Variants in TMEM94 observed in about 807,000 individuals in gnomAD.
TMEM94 encodes transmembrane protein 94, also known as ER Mg2+ ATPase.
Under a neutral mutation model 158.6 loss-of-function variants are expected in TMEM94, and 81 were observed. The ratio of observed to expected loss-of-function variants is 0.51; its 90% CI spans 0.43 to 0.61. The LOEUF is 0.61. TMEM94 is among the 20% of genes least tolerant of loss of function. The probability of loss-of-function intolerance (pLI) is 0.00; values close to 1 mark genes in which losing one functional copy is unlikely to be tolerated. For missense variants in TMEM94, 1,435 were observed against 1,762.0 expected, an observed-to-expected ratio of 0.81 and a Z score of 3.32; for synonymous variants, 751 against 730.7, an observed-to-expected ratio of 1.03 and a Z score of -0.45.
chr17:75,484,862 C>T (rs1380448653), intron 2 of TMEM94, among the ~76,000 whole-genome samples: 1 of 151,998 alleles, frequency 6.6e-6, no homozygotes. Flanking sequence ...CATGATGAAA[C>T]CTCGTCTCCA....
chr17:75,477,729 G>A (rs1013826270), intron 2 of TMEM94, among the ~76,000 whole-genome samples: 4 of 151,986 alleles, frequency 2.6e-5, no homozygotes, highest in South Asian at 4.1e-4. Context: ...GGGACAGGGC[G>A]GCCGGGCGCA....
In TMEM94 at chr17:75,485,528, AGAAGTGTCTGACGTG is replaced by A; in HGVS notation, c.130_144del (p.Cys44_Lys48del). On this transcript the variant is annotated inframe_deletion, in exon 3 of 32. Transcript: ENST00000314256. The surrounding 1 kb of genome is among the most constrained non-coding windows in gnomAD (Gnocchi z 5.5). ...CTGGAAGGACATCTCAGGGAGCGGA[AGAAGTGTCTGACGTG>A]GAAGGTGAAGCTTCTTCTCGGGGCT... is the stretch of plus-strand genomic sequence containing the variant. 5.0e-6 allele frequency: 8 copies of A among 1,614,172 alleles called. No individual in the cohort carries two copies. The highest frequency in any genetic ancestry group is 6.8e-6 in the Non-Finnish European group (8 of 1,180,020).
intron 2 of TMEM94, among the ~76,000 whole-genome samples, chr17:75,482,520 ATATATATGTATGTATG>A (rs1356232335): frequency 1.1e-4 from 12 of 111,154 alleles, no homozygotes; most frequent in South Asian, 3.1e-4. Flanking sequence ...TTAAAAATAT[ATATATATGTATGTATG>A]TATGTATGTA....
rs1247958995 is a variant in TMEM94, at chr17:75,490,734, C to T, written c.1104C>T (p.Ser368=). The T allele has an allele frequency of 6.2e-7, 1 of 1,614,130 alleles. No homozygotes were observed. The highest frequency in any genetic ancestry group is 1.1e-5 in the South Asian group (1 of 91,080). The stretch of plus-strand genomic sequence containing the variant: ...AGTTCTCAGAGGATACTCTCAGCAG[C>T]TATACGGAGGCTGTCTCCTCTCAGG... ...LAKFSEDTLS[S]YTEAVSSQEM... Residue 368 remains serine, a synonymous_variant, in exon 11 of 32, where the codon AGC becomes AGT. Coordinates refer to ENST00000314256, the MANE Select transcript of TMEM94 (RefSeq NM_014738.6).
chr17:75,499,122 T>G (rs746400298), intron 31 of TMEM94, 40 bp downstream of exon 31: 3 of 1,576,708 alleles, frequency 1.9e-6, no homozygotes, highest in Non-Finnish European at 2.6e-6. Flanking sequence ...GGCTCAGGCA[T>G]GTTCCCTAAA....
At position 75,492,692 on chromosome 17, in the gene TMEM94, C is replaced by T; in HGVS notation, c.1815C>T (p.Phe605=). Reference sequence around the variant, plus strand: ...GCGTCACCGAGCGCCTGTGCCGATTCTCCGACCACCTGTGCAACATCGCCC... The same window carrying T: ...GCGTCACCGAGCGCCTGTGCCGATTTTCCGACCACCTGTGCAACATCGCCC... ...DASVTERLCR[F]SDHLCNIALQ... is the part of the protein sequence containing the mutation. The change falls in exon 15 of 32, where the codon TTC becomes TTT. Residue 605 remains phenylalanine, a synonymous_variant. Transcript: ENST00000314256. This position sits in a 1 kb window ranked among gnomAD's most constrained non-coding sequence, Gnocchi z 4.4. The T allele has an allele frequency of 6.2e-7, 1 of 1,613,448 alleles. No individual in the cohort carries two copies. Among genetic ancestry groups the T allele is most frequent in the Non-Finnish European group, 8.5e-7 (1 of 1,179,996 alleles).
chr17:75,497,505 T>A (rs1393885229), intron 26 of TMEM94, among the ~76,000 whole-genome samples: 1 of 151,968 alleles, frequency 6.6e-6, no homozygotes, highest in Non-Finnish European at 1.5e-5. Context: ...AGGCACCCAC[T>A]ATCATGCCTG....
Position 75,493,858 on chromosome 17 carries a change from G to C in TMEM94, c.2349G>C (p.Glu783Asp), listed in dbSNP as rs1210140455. The C allele has an allele frequency of 8.7e-6, 14 of 1,613,064 alleles. No individual in the cohort carries two copies. The highest frequency in any genetic ancestry group is 1.2e-5 in the Non-Finnish European group (14 of 1,180,016). The change falls in exon 18 of 32, where the codon GAG becomes GAC. Residue 783 changes from glutamate to aspartate, a missense_variant. Coordinates refer to ENST00000314256, the MANE Select transcript of TMEM94 (RefSeq NM_014738.6). ...PGQSSIFTMCELPSTIPIKQN... is the reference protein window; with the variant it reads ...PGQSSIFTMCDLPSTIPIKQN... ...AAAGCAGCATCTTCACCATGTGCGA[G>C]CTGCCCAGCACCATCCCCATCAAGC...
At position 75,498,107 on chromosome 17, in the gene TMEM94, G is replaced by C; in HGVS notation, c.3490-68G>C. The C allele has an allele frequency of 6.3e-7, 1 of 1,591,972 alleles. No individual in the cohort carries two copies. Among genetic ancestry groups the C allele is most frequent in the South Asian group, 1.1e-5 (1 of 89,650 alleles). On this transcript the variant is annotated intron_variant, in intron 27 of 31. Coordinates refer to ENST00000314256, the MANE Select transcript of TMEM94 (RefSeq NM_014738.6). This position sits in a 1 kb window ranked among gnomAD's most constrained non-coding sequence, Gnocchi z 6.7. ...CATTTACTAAGAGCCCGTTGAATAC[G>C]TGGAAGAGCTAGGAGCAGCCGGCAG...
intron 25 of TMEM94, 112 bp downstream of exon 25, chr17:75,496,919 C>T (rs1598438104): frequency 1.6e-6 from 2 of 1,229,106 alleles, no homozygotes; most frequent in Non-Finnish European, 2.4e-6. Flanking sequence ...CAAGGGGTCC[C>T]CCCAGAGCCT....
chr17:75,499,081 C>G lies in TMEM94; in HGVS notation c.3997C>G (p.Arg1333Gly), dbSNP rs756284172. The change falls in exon 31 of 32, where the codon CGG becomes GGG. Residue 1333 changes from arginine (R) to glycine (G), a missense_variant and splice_region_variant. Arg to Gly is a moderately radical substitution (Grantham distance 125). This residue lies in a region of TMEM94 where 335 missense variants were observed against 409.1 expected (regional missense o/e 0.82). Transcript: ENST00000314256. ...TGAGATCGTGAAGCTACATGAGATTCGGTGAGCTGTCAGCAGGGCGCCTCC... is the reference window on the plus strand; with the variant it reads ...TGAGATCGTGAAGCTACATGAGATTGGGTGAGCTGTCAGCAGGGCGCCTCC... ...TNEIVKLHEI[R>G]VRVRYQKRQK... The G allele has an allele frequency of 6.3e-7, 1 of 1,581,828 alleles. No homozygotes were observed. The highest frequency in any genetic ancestry group is 1.1e-5 in the South Asian group (1 of 88,318).
At chr17:75,481,356 T>C (rs1464956266) in intron 2 of TMEM94, among the ~76,000 whole-genome samples, 1 of 152,248 alleles carries the variant, frequency 6.6e-6, no homozygotes, top group Non-Finnish European at 1.5e-5. Flanking sequence ...GCGGCTCTTA[T>C]CTTTATAATC....
intron 9 of TMEM94, 177 bp from the exon 10 acceptor site, chr17:75,490,057 G>T: frequency 1.2e-6 from 1 of 855,544 alleles, no homozygotes; most frequent in Non-Finnish European, 1.7e-6. Context: ...CCAGCCTGGC[G>T]ACGGAGCAAG....
chr17:75,492,185 C>T lies in TMEM94; in HGVS notation c.1596+285C>T. The T allele has an allele frequency of 5.6e-6, 7 of 1,244,336 alleles. No individual in the cohort carries two copies. The highest frequency in any genetic ancestry group is 7.5e-6 in the Non-Finnish European group (7 of 929,652). The allele number at this position is 1,244,336 out of a possible 1,614,324, so 77.1% of individuals were successfully genotyped here. A position where few individuals can be genotyped will look rare whatever the true frequency, so the allele number is the denominator to read the frequency against. ...GCTCCCTCTTAGAGATGTTCCCTGG[C>T]CACAGAAGATCCCTCAACTGTGTCC... is the stretch of plus-strand genomic sequence containing the variant. On this transcript the variant is annotated intron_variant, in intron 14 of 31. Transcript: ENST00000314256. The surrounding 1 kb of genome is among the most constrained non-coding windows in gnomAD (Gnocchi z 4.4).
At chr17:75,470,750 C>T (rs1385738773) in intron 1 of TMEM94, among the ~76,000 whole-genome samples, 1 of 148,306 alleles carries the variant, frequency 6.7e-6, no homozygotes, top group Non-Finnish European at 1.5e-5. Context: ...GAAACCCTGT[C>T]TCAACTAAAA....
rs2052626181 is a variant in TMEM94 at position 75,495,830 on chromosome 17, G to A, written c.2945-136G>A. 5.0e-6 allele frequency: 4 copies of A among 795,158 alleles called. No individual in the cohort carries two copies. The highest frequency in any genetic ancestry group is 2.3e-5 in the Admixed American group (1 of 42,998). The allele number at this position is 795,158 out of a possible 1,614,324, so 49.3% of individuals were successfully genotyped here. The stretch of plus-strand genomic sequence containing the variant: ...GAAGTGCCGATGTTCACATGATCCC[G>A]CTGCCGGGGGTGGGATTGTTTCAAA... On this transcript the variant is annotated intron_variant, in intron 22 of 31. Transcript: ENST00000314256. This position sits in a 1 kb window ranked among gnomAD's most constrained non-coding sequence, Gnocchi z 5.6.
chr17:75,489,520 G>A lies in TMEM94; in HGVS notation c.868-56G>A. 6.5e-7 allele frequency: 1 copy of A among 1,544,844 alleles called. No individual in the cohort carries two copies. Among genetic ancestry groups the A allele is most frequent in the East Asian group, 2.2e-5 (1 of 44,520 alleles). On this transcript the variant is annotated intron_variant, in intron 8 of 31. Coordinates refer to ENST00000314256, the MANE Select transcript of TMEM94 (RefSeq NM_014738.6). This position sits in a 1 kb window ranked among gnomAD's most constrained non-coding sequence, Gnocchi z 5.0. Reference sequence around the variant, plus strand: ...GTAGCAAAGGAAGGGGAACGGCAGTGCCTGGGTCCCTCTAGAGGGGCGGGG... The same window carrying A: ...GTAGCAAAGGAAGGGGAACGGCAGTACCTGGGTCCCTCTAGAGGGGCGGGG...
Position 75,493,082 on chromosome 17 carries a change from TCATTA to T in TMEM94, c.2067_2071del (p.Phe689LeufsTer17). On this transcript the variant is annotated frameshift_variant, in exon 16 of 32. Coordinates refer to ENST00000314256, the MANE Select transcript of TMEM94 (RefSeq NM_014738.6). LOFTEE classifies it high-confidence loss of function. ...CCCCTCAGCCACATGATCAGCCTCT[TCATTA>T]AAGACACCACCACCAGTGAGCCCTG... The T allele has an allele frequency of 6.2e-7, 1 of 1,613,266 alleles. No individual in the cohort carries two copies. The highest frequency in any genetic ancestry group is 8.5e-7 in the Non-Finnish European group (1 of 1,179,978).
chr17:75,493,562 G>GCTGACATCTACCCTCTCTCGGGAT lies in TMEM94; in HGVS notation c.2165_2188dup (p.Ile722_Asp729dup), dbSNP rs751252789. The GCTGACATCTACCCTCTCTCGGGAT allele has an allele frequency of 6.2e-7, 1 of 1,614,048 alleles. No homozygotes were observed. The highest frequency in any genetic ancestry group is 8.5e-7 in the Non-Finnish European group (1 of 1,180,040). On this transcript the variant is annotated inframe_insertion, in exon 17 of 32. Coordinates refer to ENST00000314256, the MANE Select transcript of TMEM94 (RefSeq NM_014738.6). ...GGCCTGCACAGACTTCTGGGACGGA[G>GCTGACATCTACCCTCTCTCGGGAT]CTGACATCTACCCTCTCTCGGGATC...
Sources: gnomAD v4.1 joint callset for allele counts (sites outside exome capture counted in the v4.1 genomes callset) on GRCh38, gnomAD v4.1.1 for gene constraint, gnomAD v4.1.1 regional missense constraint, Gnocchi (gnomAD v3.1) non-coding constraint, MANE v1.5 for transcripts, NCBI Gene and HGNC (gene_info 2026-07-23, HGNC 2026-07-21) for gene names.